TENM3: variants seen among roughly 807,000 people sequenced by gnomAD.
TENM3 encodes teneurin-3.
Under a neutral mutation model 255.1 loss-of-function variants are expected in TENM3, and 63 were observed. The observed-to-expected ratio is 0.25, with a 90% CI of 0.20 to 0.30. The LOEUF (loss-of-function observed/expected upper bound fraction) is 0.30. TENM3 is among the 10% of genes least tolerant of loss of function. The pLI is 1.00. For missense variants in TENM3, 2,929 were observed against 3,461.1 expected (o/e 0.85, Z 3.86); for synonymous variants, 1,306 against 1,322.3 (o/e 0.99, Z 0.27).
At chr4:182,253,504 G>T in intron 1 of TENM3, among the ~76,000 whole-genome samples, 1 of 152,098 alleles carries the variant, frequency 6.6e-6, no homozygotes, top group Non-Finnish European at 1.5e-5. Context: ...TTTATACAAA[G>T]AAATTTATGG....
chr4:182,163,336 A>T (rs1751485736), intron 1 of TENM3, among the ~76,000 whole-genome samples: 2 of 151,962 alleles, frequency 1.3e-5, no homozygotes, highest in Non-Finnish European at 2.9e-5. Flanking sequence ...CAAACTCAGC[A>T]TGGAAGCCGA....
chr4:181,688,318 A>C, the TENM3 span, among the ~76,000 whole-genome samples: 1 of 152,100 alleles, frequency 6.6e-6, no homozygotes, highest in East Asian at 1.9e-4. Context: ...CTTTTTTTGA[A>C]AGTTTCCATT....
chr4:181,996,451 C>G, the TENM3 span, among the ~76,000 whole-genome samples: 11 of 152,018 alleles, frequency 7.2e-5, no homozygotes, highest in African/African-American at 2.7e-4. Context: ...GCCCAGGGAG[C>G]CTAGCAGTTT....
At chr4:182,709,157 A>G (rs1758552164) in intron 12 of TENM3, among the ~76,000 whole-genome samples, 1 of 151,846 alleles carries the variant, frequency 6.6e-6, no homozygotes, top group Non-Finnish European at 1.5e-5. Context: ...TAATTTTTGT[A>G]TTTTTGGTAG....
At chr4:181,911,080 T>C in the TENM3 span, among the ~76,000 whole-genome samples, 5 of 152,238 alleles carry the variant, frequency 3.3e-5, no homozygotes, top group African/African-American at 4.8e-5. Flanking sequence ...AACGTTATAA[T>C]CATTTTTCAT....
At chr4:182,537,886 A>G (rs1236962610) in intron 3 of TENM3, among the ~76,000 whole-genome samples, 3 of 152,300 alleles carry the variant, frequency 2.0e-5, no homozygotes, top group East Asian at 3.9e-4. Flanking sequence ...TTATATGACC[A>G]TGGAAGATGA....
Position 182,800,204 on chromosome 4 carries a change from G to C in TENM3, c.7953G>C (p.Thr2651=), listed in dbSNP as rs767130832. 1 of 1,589,170 alleles carries C rather than the reference G, an allele frequency of 6.3e-7. No individual in the cohort carries two copies. Among genetic ancestry groups the C allele is most frequent in the Admixed American group, 1.7e-5 (1 of 59,016 alleles). ...RDGEEGARLW[T]EGEKRQLLSA... is the part of the protein sequence containing the mutation. ...GCGAGGAGGGCGCGCGCCTCTGGAC[G>C]GAGGGCGAGAAGCGGCAGCTGCTGA... is the stretch of plus-strand genomic sequence containing the variant. Residue 2651 remains threonine, a synonymous_variant, in exon 28 of 28, where the codon ACG becomes ACC. Coordinates refer to ENST00000511685, the MANE Select transcript of TENM3 (RefSeq NM_001080477.4).
the TENM3 span, among the ~76,000 whole-genome samples, chr4:181,575,405 G>A: frequency 2.0e-5 from 3 of 151,670 alleles, no homozygotes; most frequent in African/African-American, 7.3e-5. Flanking sequence ...GTCATTTTTT[G>A]GGTTCTAAAA....
At chr4:181,511,931 G>A in the TENM3 span, among the ~76,000 whole-genome samples, 3 of 152,212 alleles carry the variant, frequency 2.0e-5, no homozygotes, top group South Asian at 6.2e-4. Flanking sequence ...GGCACCGGGG[G>A]CCCCTAAGAG....
intron 12 of TENM3, among the ~76,000 whole-genome samples, chr4:182,689,538 A>G (rs897151494): frequency 5.9e-5 from 9 of 152,192 alleles, no homozygotes; most frequent in South Asian, 2.1e-4. Context: ...CTCAGGACCC[A>G]GAGGTAGTTG....
chr4:182,582,138 G>A (rs1745552462), intron 3 of TENM3, among the ~76,000 whole-genome samples: 1 of 152,130 alleles, frequency 6.6e-6, no homozygotes, highest in African/African-American at 2.4e-5. Context: ...TCTCCACACT[G>A]GCCTTTGCTG....
the TENM3 span, among the ~76,000 whole-genome samples, chr4:181,549,245 G>A: frequency 1.3e-5 from 2 of 152,292 alleles, no homozygotes; most frequent in East Asian, 1.9e-4. Context: ...ACTGGAAGCC[G>A]GAGGCTCAGC....
At chr4:182,405,215 C>A (rs1415964720) in intron 3 of TENM3, among the ~76,000 whole-genome samples, 1 of 152,208 alleles carries the variant, frequency 6.6e-6, no homozygotes, top group Non-Finnish European at 1.5e-5. Flanking sequence ...GAGCTCCCAG[C>A]CGCCGTCCTG....
chr4:182,448,778 C>A (rs922504638), intron 3 of TENM3, among the ~76,000 whole-genome samples: 1 of 151,554 alleles, frequency 6.6e-6, no homozygotes, highest in Non-Finnish European at 1.5e-5. Context: ...GCTCACAGGC[C>A]CCGGCCCGCG....
chr4:181,839,372 TATATATATATATACAC>T, the TENM3 span, among the ~76,000 whole-genome samples: 2 of 55,988 alleles, frequency 3.6e-5, no homozygotes, highest in Non-Finnish European at 8.9e-5. Context: ...TATATATATA[TATATATATATATACAC>T]CTATATACAT....
rs578225904 is a variant in TENM3 at position 182,792,116 on chromosome 4, G to A, written c.5602-158G>A. 6.6e-6 allele frequency among the ~76,000 whole-genome samples: 1 copy of A among 152,218 alleles called. No homozygotes were observed. Among genetic ancestry groups the A allele is most frequent in the East Asian group, 1.9e-4 (1 of 5,184 alleles). The stretch of plus-strand genomic sequence containing the variant: ...CACAATTAAGCATCCAAGCAAATTA[G>A]GCAGAGAAACGTTAACAACACGCAA... On this transcript the variant is annotated intron_variant, in intron 25 of 27. Coordinates refer to ENST00000511685, the MANE Select transcript of TENM3 (RefSeq NM_001080477.4). This position sits in a 1 kb window ranked among gnomAD's most constrained non-coding sequence, Gnocchi z 6.3.
At chr4:181,689,488 C>G in the TENM3 span, among the ~76,000 whole-genome samples, 106 of 152,238 alleles carry the variant, frequency 7.0e-4, no homozygotes, top group Middle Eastern at 0.01. Context: ...ATCTACCAGG[C>G]ATAGACTCTG....
At chr4:181,605,486 GAA>G in the TENM3 span, among the ~76,000 whole-genome samples, 3,484 of 17,002 alleles carry the variant, frequency 0.2, 278 homozygotes, top group Non-Finnish European at 0.23. Context: ...AACAGAGAAA[GAA>G]AGAAAGAAAG....
the TENM3 span, among the ~76,000 whole-genome samples, chr4:181,553,749 G>T: frequency 6.6e-6 from 1 of 152,004 alleles, no homozygotes; most frequent in Admixed American, 6.6e-5. Flanking sequence ...CCAATAGAAG[G>T]GTCTTTATTC....
Sources: allele counts gnomAD v4.1 joint callset (sites outside exome capture counted in the v4.1 genomes callset), GRCh38; gene constraint gnomAD v4.1.1; non-coding constraint Gnocchi (gnomAD v3.1); transcripts MANE v1.5; gene names NCBI Gene and HGNC (gene_info 2026-07-23, HGNC 2026-07-21).